Variants in FAM135B observed in about 807,000 individuals in gnomAD.
The protein encoded by FAM135B is protein FAM135B.
A neutral mutation model predicts 127.7 loss-of-function variants in FAM135B; 43 were observed. The observed-to-expected ratio is 0.34, with a 90% CI of 0.26 to 0.43. FAM135B has a LOEUF of 0.43. Among genes scored for constraint, FAM135B ranks in the 20% least tolerant of loss-of-function variants. The pLI is 1.00. For synonymous variants in FAM135B, 670 were observed against 665.1 expected (o/e 1.01, Z -0.11); for missense variants, 1,558 against 1,725.6 (o/e 0.90, Z 1.72).
Position 138,390,406 on chromosome 8 carries a change from T to C in FAM135B, c.-19-22404A>G, listed in dbSNP as rs1026579071. Among the ~76,000 whole-genome samples the C allele has an allele frequency of 4.6e-5, 7 of 152,272 alleles. No homozygotes were observed. The East Asian group carries it at 9.7e-4, about 21-fold the overall frequency. ...TCATTCTCTCTTGTCTGCCGTCATG[T>C]AAGATGTGCCTTTTGCCTTCTGCCA... On this transcript the variant is annotated intron_variant, in intron 1 of 19. Transcript: ENST00000395297.
rs556297246 is a variant in FAM135B at position 138,146,112 on chromosome 8, C to T, written c.3449-62G>A. On this transcript the variant is annotated intron_variant, in intron 14 of 19. Transcript: ENST00000395297. ...GTTAGTCATATAAAAGGTTGACACACGAGGAATTTCTTTCTCTCTCCCTCT... is the reference window on the plus strand; with the variant it reads ...GTTAGTCATATAAAAGGTTGACACATGAGGAATTTCTTTCTCTCTCCCTCT... 1.6e-4 allele frequency: 129 copies of T among 811,606 alleles called. 2 individuals are homozygous for T. Among genetic ancestry groups the T allele is most frequent in the Non-Finnish European group, 2.4e-4 (120 of 492,918 alleles). 50.3% of individuals were successfully genotyped at this position (811,606 alleles called of 1,614,324 possible).
intron 1 of FAM135B, among the ~76,000 whole-genome samples, chr8:138,407,667 C>T (rs1251784211): frequency 2.6e-5 from 4 of 152,174 alleles, no homozygotes; most frequent in Non-Finnish European, 4.4e-5. Context: ...AAAGGATTCC[C>T]TATTTAATAA....
chr8:138,410,712 G>T (rs2131403597), intron 1 of FAM135B, among the ~76,000 whole-genome samples: 1 of 152,310 alleles, frequency 6.6e-6, no homozygotes, highest in Non-Finnish European at 1.5e-5. Flanking sequence ...CAGCCACTGT[G>T]GAAAGCGGTT....
intron 3 of FAM135B, among the ~76,000 whole-genome samples, chr8:138,284,027 C>T (rs577462042): frequency 5.9e-5 from 9 of 151,978 alleles, no homozygotes; most frequent in Admixed American, 2.6e-4. Context: ...GGGTGGTATA[C>T]GGGAAATCTC....
intron 1 of FAM135B, among the ~76,000 whole-genome samples, chr8:138,378,084 C>T (rs890387030): frequency 2.0e-5 from 3 of 152,216 alleles, no homozygotes; most frequent in Admixed American, 1.3e-4. Context: ...GGACAAGTCA[C>T]ATAACATCTC....
At chr8:138,370,835 G>T (rs1427485554) in intron 1 of FAM135B, among the ~76,000 whole-genome samples, 1 of 152,174 alleles carries the variant, frequency 6.6e-6, no homozygotes, top group Non-Finnish European at 1.5e-5. Flanking sequence ...AGAGCCATTT[G>T]TCTTGGTCCC....
intron 1 of FAM135B, among the ~76,000 whole-genome samples, chr8:138,368,887 T>C (rs899430994): frequency 6.6e-6 from 1 of 152,182 alleles, no homozygotes; most frequent in Non-Finnish European, 1.5e-5. Context: ...AGCTTAGTTG[T>C]ATTGGGCACC....
chr8:138,400,844 AAT>A (rs1833119693), intron 1 of FAM135B, among the ~76,000 whole-genome samples: 1 of 152,348 alleles, frequency 6.6e-6, no homozygotes, highest in African/African-American at 2.4e-5. Flanking sequence ...ATGTATGAGA[AAT>A]AGTGTCTCCA....
chr8:138,420,851 C>T (rs1347492212), intron 1 of FAM135B, among the ~76,000 whole-genome samples: 1 of 152,144 alleles, frequency 6.6e-6, no homozygotes, highest in African/African-American at 2.4e-5. Context: ...CTCAAAATAA[C>T]AAGAGATGTC....
intron 1 of FAM135B, among the ~76,000 whole-genome samples, chr8:138,435,896 T>C (rs1312658471): frequency 3.3e-5 from 5 of 152,194 alleles, no homozygotes; most frequent in African/African-American, 9.7e-5. Flanking sequence ...CCAATCATGA[T>C]TCAAGACTGG....
chr8:138,178,550 T>C lies in FAM135B; in HGVS notation c.1014A>G (p.Glu338=), dbSNP rs2130979450. 6.2e-7 allele frequency: 1 copy of C among 1,613,838 alleles called. No homozygotes were observed. Among genetic ancestry groups the C allele is most frequent in the Non-Finnish European group, 8.5e-7 (1 of 1,180,012 alleles). The change falls in exon 10 of 20, where the codon GAA becomes GAG. Residue 338 remains glutamate (E), a synonymous_variant. Coordinates refer to ENST00000395297, the MANE Select transcript of FAM135B (RefSeq NM_015912.4). The part of the protein sequence containing the change: ...HSQVTTYLTQ[E]HHTLRVRRFS... ...GGCCACTCACCCTCAGGGTGTGGTG[T>C]TCCTGGGTGAGATAAGTGGTCACTT... is the stretch of plus-strand genomic sequence containing the variant.
intron 11 of FAM135B, among the ~76,000 whole-genome samples, chr8:138,172,742 G>A (rs1283931251): frequency 6.6e-6 from 1 of 152,182 alleles, no homozygotes; most frequent in East Asian, 1.9e-4. Context: ...AAAGGGAGCT[G>A]AGTAAATAAA....
intron 1 of FAM135B, among the ~76,000 whole-genome samples, chr8:138,453,265 C>T (rs950480721): frequency 1.3e-5 from 2 of 152,052 alleles, no homozygotes; most frequent in Admixed American, 6.6e-5. Flanking sequence ...ATCCCACTTG[C>T]GAAAAGTTCA....
At chr8:138,461,751 G>C (rs796273757) in intron 1 of FAM135B, among the ~76,000 whole-genome samples, 6 of 152,210 alleles carry the variant, frequency 3.9e-5, no homozygotes, top group African/African-American at 1.4e-4. Context: ...CATGACTATT[G>C]GGATTTAAAC....
rs1233949153 is a variant in FAM135B, at chr8:138,436,988, T to C, written c.-20+59683A>G. On this transcript the variant is annotated intron_variant, in intron 1 of 19. Coordinates refer to ENST00000395297, the MANE Select transcript of FAM135B (RefSeq NM_015912.4). ...ATCAATACTGATAAACAGGATGGCA[T>C]AAATAAGGAGAATAAAGTCCAAATG... The C allele has an allele frequency of 2.0e-5, 3 of 152,140 alleles. No individual in the cohort carries two copies. The East Asian group carries it at 5.8e-4, about 29-fold the overall frequency. 9.4% of individuals were successfully genotyped at this position (152,140 alleles called of 1,614,324 possible). A position where few individuals can be genotyped will look rare whatever the true frequency, so the allele number is the denominator to read the frequency against.
At chr8:138,181,975 C>T (rs1815082541) in intron 9 of FAM135B, among the ~76,000 whole-genome samples, 1 of 152,102 alleles carries the variant, frequency 6.6e-6, no homozygotes, top group Non-Finnish European at 1.5e-5. Flanking sequence ...GGGTCAGTGA[C>T]TCTTTACAAA....
At chr8:138,206,285 G>GGGCTCCATCATCCCCTCCACCTACC (rs1817574031) in intron 7 of FAM135B, among the ~76,000 whole-genome samples, 3 of 12,542 alleles carry the variant, frequency 2.4e-4, no homozygotes, top group Admixed American at 7.7e-4. Context: ...CTCCACCTAC[G>GGGCTCCATCATCCCCTCCACCTACC]CACAGCTCTA....
chr8:138,418,866 A>T (rs1445003907), intron 1 of FAM135B, among the ~76,000 whole-genome samples: 1 of 151,680 alleles, frequency 6.6e-6, no homozygotes, highest in Non-Finnish European at 1.5e-5. Flanking sequence ...CATAGAAAAA[A>T]AAAACACTCA....
chr8:138,153,918 T>C (rs1355159343), intron 12 of FAM135B, among the ~76,000 whole-genome samples: 3 of 152,188 alleles, frequency 2.0e-5, no homozygotes, highest in African/African-American at 7.2e-5. Context: ...CTTCCCTGTC[T>C]GACAGCTTTG....
Sources: allele counts gnomAD v4.1 joint callset (sites outside exome capture counted in the v4.1 genomes callset), GRCh38; gene constraint gnomAD v4.1.1; transcripts MANE v1.5; gene names NCBI Gene and HGNC (gene_info 2026-07-23, HGNC 2026-07-21).